Variants in CTNNA3 observed in about 807,000 individuals in gnomAD.
CTNNA3 encodes the protein catenin alpha 3.
A neutral mutation model predicts 95.7 loss-of-function variants in CTNNA3; 76 were observed. The ratio of observed to expected loss-of-function variants is 0.79; its 90% CI spans 0.66 to 0.96. The LOEUF is 0.96. CTNNA3 is among the 40% of genes least tolerant of loss of function. The probability of loss-of-function intolerance (pLI) is 0.00; values close to 1 mark genes in which losing one functional copy is unlikely to be tolerated. For missense variants in CTNNA3, 1,191 were observed against 1,089.8 expected (o/e 1.09, Z -1.31); for synonymous variants, 431 against 374.4 (o/e 1.15, Z -1.74).
intron 5 of CTNNA3, among the ~76,000 whole-genome samples, chr10:67,508,161 A>T (rs895854497): frequency 6.6e-6 from 1 of 151,986 alleles, no homozygotes; most frequent in African/African-American, 2.4e-5. Flanking sequence ...TTACAGGCCC[A>T]CACCACCACA....
At chr10:66,332,848 A>G (rs1321782228) in intron 12 of CTNNA3, among the ~76,000 whole-genome samples, 1 of 152,002 alleles carries the variant, frequency 6.6e-6, no homozygotes, top group Admixed American at 6.6e-5. Flanking sequence ...CTGTGAATCC[A>G]TCTGGTCCTG....
intron 7 of CTNNA3, among the ~76,000 whole-genome samples, chr10:67,122,898 A>C (rs1859537249): frequency 6.6e-6 from 1 of 152,282 alleles, no homozygotes; most frequent in African/African-American, 2.4e-5. Context: ...CTCTTTTTTA[A>C]AAAGCCACAT....
chr10:66,646,793 T>C (rs1845721966), intron 9 of CTNNA3, among the ~76,000 whole-genome samples: 1 of 152,154 alleles, frequency 6.6e-6, no homozygotes, highest in South Asian at 2.1e-4. Context: ...AGGAGTGCTC[T>C]TCTAATCCTG....
chr10:67,532,539 T>C (rs1202213151), intron 4 of CTNNA3, among the ~76,000 whole-genome samples: 1 of 152,224 alleles, frequency 6.6e-6, no homozygotes, highest in Non-Finnish European at 1.5e-5. Context: ...TATTACCTAA[T>C]CCAAAGGGAT....
chr10:66,050,966 G>T (rs568724441), intron 15 of CTNNA3, among the ~76,000 whole-genome samples: 1 of 151,936 alleles, frequency 6.6e-6, no homozygotes, highest in Admixed American at 6.6e-5. Context: ...TGATCCTCTC[G>T]CCTAAGCCTC....
chr10:66,769,244 T>G (rs1053669671), intron 8 of CTNNA3, among the ~76,000 whole-genome samples: 12 of 152,198 alleles, frequency 7.9e-5, no homozygotes, highest in Admixed American at 7.2e-4. Context: ...TTTCGTCCCA[T>G]GACAGAAGGA....
chr10:67,649,592 T>C (rs1296663977), intron 1 of CTNNA3, among the ~76,000 whole-genome samples: 1 of 152,228 alleles, frequency 6.6e-6, no homozygotes, highest in Non-Finnish European at 1.5e-5. Flanking sequence ...TTCATATAAT[T>C]ATTAATCTTT....
At chr10:66,232,325 T>C (rs557320891) in intron 13 of CTNNA3, among the ~76,000 whole-genome samples, 2 of 152,314 alleles carry the variant, frequency 1.3e-5, no homozygotes, top group East Asian at 3.9e-4. Flanking sequence ...ATTTCAGTTC[T>C]CTTAAGTTAA....
At chr10:66,690,168 T>C (rs1847465152) in intron 9 of CTNNA3, among the ~76,000 whole-genome samples, 1 of 152,092 alleles carries the variant, frequency 6.6e-6, no homozygotes, top group Non-Finnish European at 1.5e-5. Context: ...ATGTGTGTAT[T>C]TGGGTATATG....
At chr10:66,968,759 G>A (rs960239605) in intron 7 of CTNNA3, among the ~76,000 whole-genome samples, 1 of 152,120 alleles carries the variant, frequency 6.6e-6, no homozygotes, top group African/African-American at 2.4e-5. Context: ...GCTCACACCT[G>A]TAATCCCAGC....
At position 67,669,730 on chromosome 10, in the gene CTNNA3, G is replaced by A. The variant is rs1840396367; in HGVS notation, c.-5-22212C>T. On this transcript the variant is annotated intron_variant, in intron 1 of 17. Transcript: ENST00000433211. ...GATACTTTTCTCTTTGTGAAATTCTGCTTTTCAAAACCAAAATGCCATTGA... is the reference window on the plus strand; with the variant it reads ...GATACTTTTCTCTTTGTGAAATTCTACTTTTCAAAACCAAAATGCCATTGA... 2.0e-5 allele frequency among the ~76,000 whole-genome samples: 3 copies of A among 152,122 alleles called. No individual in the cohort carries two copies. The South Asian group carries it at 6.2e-4, about 32-fold the overall frequency.
intron 1 of CTNNA3, among the ~76,000 whole-genome samples, chr10:67,732,068 T>TCATG (rs1234413491): frequency 1.3e-5 from 2 of 151,458 alleles, no homozygotes; most frequent in Non-Finnish European, 2.9e-5. Context: ...GCGTGAGCCA[T>TCATG]CATGCCTGGC....
chr10:66,539,821 C>G (rs757914918), intron 10 of CTNNA3, among the ~76,000 whole-genome samples: 21 of 152,254 alleles, frequency 1.4e-4, no homozygotes, highest in Middle Eastern at 3.4e-3. Context: ...ATCTCAGGTT[C>G]TACCCCAGAC....
intron 9 of CTNNA3, among the ~76,000 whole-genome samples, chr10:66,629,472 T>C (rs1845057816): frequency 6.6e-6 from 1 of 152,174 alleles, no homozygotes; most frequent in Non-Finnish European, 1.5e-5. Flanking sequence ...CACCAACCTA[T>C]ATTTTTGCTG....
At chr10:66,187,219 T>C (rs977500632) in intron 13 of CTNNA3, among the ~76,000 whole-genome samples, 1 of 152,088 alleles carries the variant, frequency 6.6e-6, no homozygotes, top group African/African-American at 2.4e-5. Flanking sequence ...TCAGAGCTTA[T>C]CCAGTGCAGA....
intron 13 of CTNNA3, among the ~76,000 whole-genome samples, chr10:66,106,759 A>G (rs2081929988): frequency 6.6e-6 from 1 of 152,126 alleles, no homozygotes. Context: ...ATTTATCCAA[A>G]TTTTAATCAC....
At chr10:67,010,249 A>T (rs1051230570) in intron 7 of CTNNA3, among the ~76,000 whole-genome samples, 1 of 152,194 alleles carries the variant, frequency 6.6e-6, no homozygotes, top group Non-Finnish European at 1.5e-5. Context: ...AGCAACTAAC[A>T]TGTCTCATAA....
intron 14 of CTNNA3, among the ~76,000 whole-genome samples, chr10:66,102,203 G>A (rs77780951): frequency 0.02 from 3,091 of 152,114 alleles, 116 homozygotes; most frequent in African/African-American, 0.071. Context: ...TTATGTCACC[G>A]AATTTAACTA....
chr10:67,727,989 GTATACA>G (rs1247382523), intron 1 of CTNNA3, among the ~76,000 whole-genome samples: 2 of 135,168 alleles, frequency 1.5e-5, no homozygotes, highest in African/African-American at 2.8e-5. Context: ...ATACATATAT[GTATACA>G]TGTATATTAT....
Sources: allele counts gnomAD v4.1 joint callset (sites outside exome capture counted in the v4.1 genomes callset), GRCh38; gene constraint gnomAD v4.1.1; transcripts MANE v1.5; gene names NCBI Gene and HGNC (gene_info 2026-07-23, HGNC 2026-07-21).